The following ANKRD28 variants were observed in gnomAD, a reference collection of about 807,000 sequenced individuals.
The protein encoded by ANKRD28 is serine/threonine-protein phosphatase 6 regulatory ankyrin repeat subunit A.
Under a neutral mutation model 126.5 loss-of-function variants are expected in ANKRD28, and 44 were observed. The ratio of observed to expected loss-of-function variants is 0.35; its 90% CI spans 0.27 to 0.45. ANKRD28 has a LOEUF of 0.45. Ranked by LOEUF, ANKRD28 falls within the 20% of genes least tolerant of loss-of-function variation. The probability of loss-of-function intolerance (pLI) is 1.00; values close to 1 mark genes in which losing one functional copy is unlikely to be tolerated. For missense variants in ANKRD28, 1,110 were observed against 1,316.6 expected, an observed-to-expected ratio of 0.84 and a Z score of 2.43; for synonymous variants, 442 against 468.5, an observed-to-expected ratio of 0.94 and a Z score of 0.73.
chr3:15,766,012 G>C (rs1450783032), intron 3 of ANKRD28, among the ~76,000 whole-genome samples: 1 of 151,962 alleles, frequency 6.6e-6, no homozygotes, highest in African/African-American at 2.4e-5. Context: ...CAGAGTATAA[G>C]CTACAAGAGG....
intron 8 of ANKRD28, among the ~76,000 whole-genome samples, chr3:15,718,677 G>A (rs1220631667): frequency 6.6e-6 from 1 of 152,184 alleles, no homozygotes; most frequent in Non-Finnish European, 1.5e-5. Flanking sequence ...ACAGCATCAT[G>A]TGAACCAAAA....
At chr3:15,742,997 A>G (rs2057204752) in intron 4 of ANKRD28, among the ~76,000 whole-genome samples, 2 of 151,762 alleles carry the variant, frequency 1.3e-5, no homozygotes, top group African/African-American at 4.8e-5. Context: ...AGAAAGAGGT[A>G]GACATGGGAG....
At chr3:15,676,211 A>C in intron 26 of ANKRD28, 1 of 400,536 alleles carries the variant, frequency 2.5e-6, no homozygotes, top group Non-Finnish European at 4.4e-6. Context: ...AAGCTCAGCC[A>C]TAGGTCCCAT....
intron 4 of ANKRD28, among the ~76,000 whole-genome samples, chr3:15,746,708 C>T (rs775813625): frequency 1.3e-5 from 2 of 152,108 alleles, no homozygotes; most frequent in Non-Finnish European, 2.9e-5. Flanking sequence ...ATTAGGGTGA[C>T]ACTGGCTTCA....
upstream of ANKRD28, among the ~76,000 whole-genome samples, chr3:15,799,244 T>C (rs188357884): frequency 5.3e-5 from 8 of 151,992 alleles, no homozygotes; most frequent in East Asian, 1.5e-3. Context: ...AGGAATATAC[T>C]ATTTATTGCT....
intron 1 of ANKRD28, among the ~76,000 whole-genome samples, chr3:15,818,210 C>T (rs114471401): frequency 6.5e-4 from 99 of 152,224 alleles, no homozygotes; most frequent in African/African-American, 2.3e-3. Flanking sequence ...TAGTGCTGAA[C>T]CCTATATATA....
intron 1 of ANKRD28, among the ~76,000 whole-genome samples, chr3:15,850,190 T>TTAAAA (rs1393900361): frequency 1.6e-3 from 51 of 31,950 alleles, no homozygotes; most frequent in African/African-American, 4.3e-3. Context: ...CTACATGCAA[T>TTAAAA]AAAAAAAAAA....
intron 1 of ANKRD28, among the ~76,000 whole-genome samples, chr3:15,842,251 G>C (rs1015846000): frequency 1.1e-4 from 16 of 152,028 alleles, no homozygotes; most frequent in African/African-American, 3.9e-4. Flanking sequence ...CCTGTCATTT[G>C]CAACAACATG....
chr3:15,744,578 A>G (rs2057351431), intron 4 of ANKRD28, among the ~76,000 whole-genome samples: 1 of 151,562 alleles, frequency 6.6e-6, no homozygotes, highest in Non-Finnish European at 1.5e-5. Context: ...CAGCCTCCCA[A>G]ACTGCTGGGA....
chr3:15,732,273 G>A (rs1037406149), intron 6 of ANKRD28: 1 of 152,160 alleles, frequency 6.6e-6, no homozygotes, highest in Non-Finnish European at 1.5e-5. Flanking sequence ...TATCACCCAG[G>A]GAATTAAATT....
intron 1 of ANKRD28, among the ~76,000 whole-genome samples, chr3:15,844,198 T>C (rs1250076749): frequency 6.6e-6 from 1 of 152,134 alleles, no homozygotes; most frequent in Non-Finnish European, 1.5e-5. Flanking sequence ...CAATATCTAG[T>C]AATTAAAGTA....
chr3:15,700,489 T>A (rs2070406293), intron 14 of ANKRD28, among the ~76,000 whole-genome samples: 1 of 151,032 alleles, frequency 6.6e-6, no homozygotes, highest in African/African-American at 2.4e-5. Context: ...AAAAACACTA[T>A]ATAGGGCCGG....
In ANKRD28 at chr3:15,686,041, A is replaced by T. The variant is rs1232301129; in HGVS notation, c.2130T>A (p.Asp710Glu). ...CTGTCCTTCCCCACTTATCTTTGGCATCTACATTTGCTCCTTTGTTCAGCA... is the reference window on the plus strand; with the variant it reads ...CTGTCCTTCCCCACTTATCTTTGGCTTCTACATTTGCTCCTTTGTTCAGCA... ...YSLLNKGANV[D>E]AKDKWGRTAL... is the part of the protein sequence containing the mutation. Residue 710 changes from aspartate to glutamate, a missense_variant, in exon 20 of 28, where the codon GAT becomes GAA. Transcript: ENST00000683139. The T allele has an allele frequency of 6.2e-7, 1 of 1,613,776 alleles. No individual in the cohort carries two copies. The highest frequency in any genetic ancestry group is 1.1e-5 in the South Asian group (1 of 90,994).
intron 2 of ANKRD28, among the ~76,000 whole-genome samples, chr3:15,772,090 G>A (rs1039982652): frequency 6.6e-6 from 1 of 151,908 alleles, no homozygotes; most frequent in African/African-American, 2.4e-5. Flanking sequence ...GCAATAGAGA[G>A]CAATTTATAT....
chr3:15,735,411 C>CA lies in ANKRD28; in HGVS notation c.638dup (p.Met213IlefsTer5). On this transcript the variant is annotated frameshift_variant and splice_region_variant, in exon 6 of 28. Coordinates refer to ENST00000683139, the MANE Select transcript of ANKRD28 (RefSeq NM_001349278.2). LOFTEE classifies it high-confidence loss of function. The stretch of plus-strand genomic sequence containing the variant: ...AAACTAAATTTAAAAAGTACATACC[C>CA]ATATATGCTGCCCAATGGATAGCAC... 1 of 1,552,238 alleles carries CA rather than the reference C, an allele frequency of 6.4e-7. No individual in the cohort carries two copies. The highest frequency in any genetic ancestry group is 8.7e-7 in the Non-Finnish European group (1 of 1,146,420).
chr3:15,763,496 A>T (rs755460303), intron 3 of ANKRD28, among the ~76,000 whole-genome samples: 1 of 152,246 alleles, frequency 6.6e-6, no homozygotes, highest in Non-Finnish European at 1.5e-5. Context: ...AAACGACAGT[A>T]AACAAGTAAT....
intron 14 of ANKRD28, among the ~76,000 whole-genome samples, 169 bp downstream of exon 14, chr3:15,707,755 T>A (rs1177912172): frequency 6.6e-6 from 1 of 152,246 alleles, no homozygotes; most frequent in African/African-American, 2.4e-5. Flanking sequence ...GTAATAACTA[T>A]GATTTATCAA....
At chr3:15,707,639 A>G (rs1199274532) in intron 14 of ANKRD28, among the ~76,000 whole-genome samples, 4 of 152,196 alleles carry the variant, frequency 2.6e-5, no homozygotes, top group Non-Finnish European at 5.9e-5. Context: ...AGGTGGAAAA[A>G]AACATAAAAG....
At chr3:15,711,916 G>C (rs924753036) in intron 11 of ANKRD28, among the ~76,000 whole-genome samples, 3 of 151,372 alleles carry the variant, frequency 2.0e-5, no homozygotes, top group African/African-American at 7.3e-5. Context: ...TGCTGGTCTT[G>C]AACTCCTGAC....
Sources: allele counts gnomAD v4.1 joint callset (sites outside exome capture counted in the v4.1 genomes callset), GRCh38; gene constraint gnomAD v4.1.1; transcripts MANE v1.5; gene names NCBI Gene and HGNC (gene_info 2026-07-23, HGNC 2026-07-21).